PHC2: variants seen among roughly 807,000 people sequenced by gnomAD.
PHC2 encodes polyhomeotic-like protein 2.
Under a neutral mutation model 87.4 loss-of-function variants are expected in PHC2, and 29 were observed. The ratio of observed to expected loss-of-function variants is 0.33; its 90% CI spans 0.25 to 0.45. The LOEUF (loss-of-function observed/expected upper bound fraction) is 0.45. Among genes scored for constraint, PHC2 ranks in the 20% least tolerant of loss-of-function variants. PHC2 has a pLI of 1.00. For synonymous variants in PHC2, 438 were observed against 461.7 expected (o/e 0.95, Z 0.66); for missense variants, 857 against 1,136.7 (o/e 0.75, Z 3.54).
intron 9 of PHC2, among the ~76,000 whole-genome samples, chr1:33,337,346 C>G (rs753457536): frequency 2.0e-5 from 3 of 152,192 alleles, no homozygotes; most frequent in Non-Finnish European, 4.4e-5. Context: ...TTAGTGATTC[C>G]TTATATAACG....
At position 33,335,141 on chromosome 1, in the gene PHC2, T is replaced by C. The variant is rs1349298475; in HGVS notation, c.1559-849A>G. 3.1e-6 allele frequency: 3 copies of C among 971,484 alleles called. No homozygotes were observed. The African/African-American group carries it at 5.3e-5, about 17-fold the overall frequency. The allele number at this position is 971,484 out of a possible 1,614,324, so 60.2% of individuals were successfully genotyped here. A position where few individuals can be genotyped will look rare whatever the true frequency, so the allele number is the denominator to read the frequency against. On this transcript the variant is annotated intron_variant, in intron 9 of 14. Coordinates refer to ENST00000683057, the MANE Select transcript of PHC2 (RefSeq NM_001385109.1). ...CCTTCCTCTAAAAGACCTAACAGAGTGCTCCAGAAAGTGAGATTACATGCC... is the reference window on the plus strand; with the variant it reads ...CCTTCCTCTAAAAGACCTAACAGAGCGCTCCAGAAAGTGAGATTACATGCC...
intron 9 of PHC2, among the ~76,000 whole-genome samples, chr1:33,340,216 A>C (rs1202201287): frequency 2.0e-5 from 3 of 152,228 alleles, no homozygotes; most frequent in East Asian, 3.8e-4. Flanking sequence ...AAAGAATTTA[A>C]AGAAGCAGAG....
intron 9 of PHC2, among the ~76,000 whole-genome samples, chr1:33,336,248 C>A (rs1489774539): frequency 6.6e-6 from 1 of 152,028 alleles, no homozygotes; most frequent in East Asian, 1.9e-4. Flanking sequence ...CTCAGCCTCG[C>A]AAAGTGCTGG....
At chr1:33,340,431 G>A (rs149294695) in intron 9 of PHC2, among the ~76,000 whole-genome samples, 1 of 152,322 alleles carries the variant, frequency 6.6e-6, no homozygotes, top group African/African-American at 2.4e-5. Context: ...AACCGCCTCA[G>A]TGGAGCACTG....
intron 1 of PHC2, among the ~76,000 whole-genome samples, chr1:33,405,630 T>C (rs1174856432): frequency 1.3e-5 from 2 of 152,224 alleles, no homozygotes; most frequent in Non-Finnish European, 2.9e-5. Flanking sequence ...TTGTTGTTTT[T>C]TCCCCTAACT....
At chr1:33,374,027 C>T (rs935698238) in intron 2 of PHC2, among the ~76,000 whole-genome samples, 2 of 152,196 alleles carry the variant, frequency 1.3e-5, no homozygotes, top group Non-Finnish European at 2.9e-5. Context: ...ACTCCTCTGA[C>T]GTGAACACCC....
chr1:33,392,453 A>G (rs1649109387), intron 1 of PHC2, among the ~76,000 whole-genome samples: 2 of 152,146 alleles, frequency 1.3e-5, no homozygotes, highest in African/African-American at 4.8e-5. Flanking sequence ...ATCTGCCTGT[A>G]TACATTCTCC....
Position 33,368,053 on chromosome 1 carries a change from A to G in PHC2, c.663+483T>C, listed in dbSNP as rs550232495. On this transcript the variant is annotated intron_variant, in intron 6 of 14. Coordinates refer to ENST00000683057, the MANE Select transcript of PHC2 (RefSeq NM_001385109.1). The surrounding 1 kb of genome is among the most constrained non-coding windows in gnomAD (Gnocchi z 6.6). ...ATGAGGATGGGGAGATGCGAGTGCT[A>G]GGGGTTCCTTCCCCGGCTGCCCACA... Among the ~76,000 whole-genome samples the G allele has an allele frequency of 2.6e-5, 4 of 152,234 alleles. No homozygotes were observed. In the East Asian group the frequency reaches 7.7e-4, roughly 29 times the overall value.
intron 7 of PHC2, among the ~76,000 whole-genome samples, chr1:33,359,627 T>C (rs1647158268): frequency 6.6e-6 from 1 of 152,212 alleles, no homozygotes; most frequent in African/African-American, 2.4e-5. Context: ...GTAAAAGAGA[T>C]GGAAGACAGA....
intron 12 of PHC2, among the ~76,000 whole-genome samples, chr1:33,330,709 C>CAGCTGTTGCTTCCATTGTGGTACA (rs1553183177): frequency 1.3e-5 from 2 of 152,210 alleles, no homozygotes; most frequent in Non-Finnish European, 2.9e-5. Flanking sequence ...GCTTCAAGGT[C>CAGCTGTTGCTTCCATTGTGGTACA]AGCTGTTGCT....
At chr1:33,379,043 G>T (rs1022040581) in intron 1 of PHC2, among the ~76,000 whole-genome samples, 5 of 151,772 alleles carry the variant, frequency 3.3e-5, no homozygotes, top group African/African-American at 1.2e-4. Context: ...AGACACTGTG[G>T]AGAGTGTACA....
chr1:33,360,063 T>C (rs1175828848), intron 7 of PHC2, among the ~76,000 whole-genome samples: 1 of 152,252 alleles, frequency 6.6e-6, no homozygotes, highest in East Asian at 1.9e-4. Context: ...AGGAAGCTCC[T>C]TTTAGAAAAC....
chr1:33,398,805 GC>G (rs1309743995), intron 1 of PHC2, among the ~76,000 whole-genome samples: 4 of 152,126 alleles, frequency 2.6e-5, no homozygotes, highest in Non-Finnish European at 4.4e-5. Context: ...CAGATGGGAG[GC>G]ACTGGTTTCT....
intron 7 of PHC2, among the ~76,000 whole-genome samples, chr1:33,365,432 G>A (rs1294304704): frequency 6.6e-6 from 1 of 152,146 alleles, no homozygotes; most frequent in Non-Finnish European, 1.5e-5. Context: ...TTACATTTCG[G>A]CCTGGGCTGG....
At chr1:33,345,926 CTG>C in intron 9 of PHC2, 2 of 985,130 alleles carry the variant, frequency 2.0e-6, no homozygotes, top group Non-Finnish European at 2.4e-6. Flanking sequence ...AAGCCTACCT[CTG>C]TTTGAGTTGT....
intron 1 of PHC2, among the ~76,000 whole-genome samples, chr1:33,387,860 G>T (rs1367571840): frequency 6.6e-6 from 1 of 152,250 alleles, no homozygotes; most frequent in East Asian, 1.9e-4. Context: ...ATCTCCCGCA[G>T]CAGCGTCAGT....
Position 33,370,464 on chromosome 1 carries a change from G to T in PHC2, c.533C>A (p.Ala178Asp). 6.2e-7 allele frequency: 1 copy of T among 1,614,146 alleles called. No individual in the cohort carries two copies. Among genetic ancestry groups the T allele is most frequent in the Non-Finnish European group, 8.5e-7 (1 of 1,180,012 alleles). ...AVLLGNTSSP[A>D]LTASQAQMYL... is the part of the protein sequence containing the mutation. ...CATCTGTGCTTGGCTTGCAGTCAGG[G>T]CTGGGGAAGACGTGTTGCCCAAGAG... The change falls in exon 5 of 15, where the codon GCC becomes GAC. Residue 178 changes from alanine to aspartate, a missense_variant. Around this residue, in one of 3 missense-constraint regions of PHC2, gnomAD observed 832 missense variants for 1,081.8 expected, o/e 0.77. Coordinates refer to ENST00000683057, the MANE Select transcript of PHC2 (RefSeq NM_001385109.1).
chr1:33,405,348 G>A (rs1031662844), intron 1 of PHC2, among the ~76,000 whole-genome samples: 2 of 151,846 alleles, frequency 1.3e-5, no homozygotes, highest in African/African-American at 2.4e-5. Flanking sequence ...GTACCACCAC[G>A]CCTGGCTAAT....
At chr1:33,337,878 CTG>C (rs1646671212) in intron 9 of PHC2, among the ~76,000 whole-genome samples, 2 of 152,324 alleles carry the variant, frequency 1.3e-5, no homozygotes, top group South Asian at 2.1e-4. Flanking sequence ...TTTTGGTTTT[CTG>C]TGTTTGCTTT....
Sources: gnomAD v4.1 joint callset for allele counts (sites outside exome capture counted in the v4.1 genomes callset) on GRCh38, gnomAD v4.1.1 for gene constraint, gnomAD v4.1.1 regional missense constraint, Gnocchi (gnomAD v3.1) non-coding constraint, MANE v1.5 for transcripts, NCBI Gene and HGNC (gene_info 2026-07-23, HGNC 2026-07-21) for gene names.